ANKS1B: variants seen among roughly 807,000 people sequenced by gnomAD.
The protein encoded by ANKS1B is ankyrin repeat and sterile alpha motif domain-containing protein 1B.
A neutral mutation model predicts 148.3 loss-of-function variants in ANKS1B; 36 were observed. The ratio of observed to expected loss-of-function variants is 0.24; its 90% CI spans 0.19 to 0.32. ANKS1B has a LOEUF of 0.32. ANKS1B is among the 10% of genes least tolerant of loss of function. The probability of loss-of-function intolerance (pLI) is 1.00; values close to 1 mark genes in which losing one functional copy is unlikely to be tolerated. For missense variants in ANKS1B, 1,157 were observed against 1,542.6 expected (o/e 0.75, Z 4.19); for synonymous variants, 542 against 560.8 (o/e 0.97, Z 0.47).
chr12:98,775,652 A>T (rs1194806735), intron 24 of ANKS1B, among the ~76,000 whole-genome samples: 4 of 150,446 alleles, frequency 2.7e-5, no homozygotes, highest in Admixed American at 6.6e-5. Flanking sequence ...GGGCTTTGCC[A>T]TGTTTCCCAG....
intron 9 of ANKS1B, among the ~76,000 whole-genome samples, chr12:99,578,209 A>G (rs1441633402): frequency 2.0e-5 from 3 of 152,118 alleles, no homozygotes; most frequent in Admixed American, 2.0e-4. Flanking sequence ...ATATCAAATG[A>G]ACATACCTCA....
chr12:99,810,366 A>G (rs1057494083), intron 3 of ANKS1B, among the ~76,000 whole-genome samples: 1 of 151,992 alleles, frequency 6.6e-6, no homozygotes, highest in Admixed American at 6.6e-5. Flanking sequence ...ATAAAAGTTT[A>G]TAATTAACAA....
chr12:98,966,796 A>G lies in ANKS1B; in HGVS notation c.2778+86361T>C, dbSNP rs1424953183. On this transcript the variant is annotated intron_variant, in intron 17 of 26. Coordinates refer to ENST00000683438, the MANE Select transcript of ANKS1B (RefSeq NM_001352186.2). ...CAGCAAACTATCGCAAGGATAAAAA[A>G]CCAAACACCGCATGTTCTCACTCAC... Among the ~76,000 whole-genome samples the G allele has an allele frequency of 2.7e-5, 4 of 148,524 alleles. No individual in the cohort carries two copies. The East Asian group carries it at 8.1e-4, about 30-fold the overall frequency.
At chr12:99,674,660 C>T (rs575284040) in intron 8 of ANKS1B, among the ~76,000 whole-genome samples, 1 of 151,674 alleles carries the variant, frequency 6.6e-6, no homozygotes, top group South Asian at 2.1e-4. Flanking sequence ...GTTTATGTGT[C>T]TGAAAACAAA....
intron 1 of ANKS1B, among the ~76,000 whole-genome samples, chr12:99,973,349 G>T (rs961652033): frequency 5.3e-4 from 81 of 152,356 alleles, no homozygotes; most frequent in African/African-American, 1.8e-3. Context: ...GGAGGCCAAG[G>T]TGGGAGGATC....
At chr12:99,709,944 T>C (rs1360683974) in intron 8 of ANKS1B, among the ~76,000 whole-genome samples, 1 of 152,182 alleles carries the variant, frequency 6.6e-6, no homozygotes, top group Non-Finnish European at 1.5e-5. Context: ...CCCCATAAAA[T>C]GGGTTTGACA....
At chr12:99,515,400 A>G (rs552269133) in intron 9 of ANKS1B, among the ~76,000 whole-genome samples, 66 of 152,038 alleles carry the variant, frequency 4.3e-4, no homozygotes, top group African/African-American at 1.6e-3. Context: ...TGACATTTAG[A>G]TTCCACAAAT....
At chr12:99,927,196 C>T (rs1224174682) in intron 1 of ANKS1B, among the ~76,000 whole-genome samples, 2 of 152,108 alleles carry the variant, frequency 1.3e-5, no homozygotes, top group Non-Finnish European at 2.9e-5. Flanking sequence ...ACCTAATTCC[C>T]TCATTTATAC....
chr12:99,524,704 G>A (rs2096909368), intron 9 of ANKS1B, among the ~76,000 whole-genome samples: 1 of 152,216 alleles, frequency 6.6e-6, no homozygotes. Context: ...AATCATGGCA[G>A]AAGAGCAAGG....
At chr12:99,101,659 T>A (rs1359741981) in intron 15 of ANKS1B, among the ~76,000 whole-genome samples, 1 of 152,174 alleles carries the variant, frequency 6.6e-6, no homozygotes, top group Non-Finnish European at 1.5e-5. Flanking sequence ...CCTCCCGGGT[T>A]CAAGCAATTA....
At chr12:99,250,437 C>A (rs2074431983) in intron 12 of ANKS1B, among the ~76,000 whole-genome samples, 1 of 152,190 alleles carries the variant, frequency 6.6e-6, no homozygotes, top group Admixed American at 6.5e-5. Flanking sequence ...AATAAAAATA[C>A]ACAAATAAAA....
chr12:99,095,987 TG>T (rs1353381852), intron 15 of ANKS1B, among the ~76,000 whole-genome samples: 1 of 152,102 alleles, frequency 6.6e-6, no homozygotes, highest in Non-Finnish European at 1.5e-5. Flanking sequence ...AATCTGGGAG[TG>T]GGTTTCAGCT....
At chr12:99,531,790 T>C (rs1209328629) in intron 9 of ANKS1B, among the ~76,000 whole-genome samples, 1 of 152,200 alleles carries the variant, frequency 6.6e-6, no homozygotes, top group Non-Finnish European at 1.5e-5. Flanking sequence ...CTGTTTTCCA[T>C]AGAGGTTTTA....
At chr12:99,343,986 G>A (rs1357984173) in intron 12 of ANKS1B, among the ~76,000 whole-genome samples, 1 of 152,000 alleles carries the variant, frequency 6.6e-6, no homozygotes, top group Non-Finnish European at 1.5e-5. Flanking sequence ...ACATGGAAGG[G>A]CACCCAATTA....
intron 9 of ANKS1B, among the ~76,000 whole-genome samples, chr12:99,561,988 A>G (rs569408625): frequency 6.6e-6 from 1 of 152,374 alleles, no homozygotes; most frequent in South Asian, 2.1e-4. Context: ...AAAAGACTTA[A>G]CAGTCTAAGT....
intron 9 of ANKS1B, among the ~76,000 whole-genome samples, chr12:98,736,834 C>T (rs958295705): frequency 3.3e-5 from 5 of 152,210 alleles, no homozygotes; most frequent in Non-Finnish European, 7.3e-5. Context: ...AGTCCTTGAT[C>T]AGTCTGCTCA....
At chr12:99,921,493 ACT>A (rs1489832004) in intron 1 of ANKS1B, among the ~76,000 whole-genome samples, 1 of 152,166 alleles carries the variant, frequency 6.6e-6, no homozygotes, top group African/African-American at 2.4e-5. Flanking sequence ...AACTCCACAG[ACT>A]CTGGGTATCT....
At chr12:98,795,089 T>C in intron 22 of ANKS1B, 1 of 573,768 alleles carries the variant, frequency 1.7e-6, no homozygotes, top group Non-Finnish European at 3.1e-6. Context: ...GATTAAAATA[T>C]ATTTTTCCTA....
intron 12 of ANKS1B, among the ~76,000 whole-genome samples, chr12:99,273,916 A>G (rs763209579): frequency 6.6e-6 from 1 of 151,738 alleles, no homozygotes; most frequent in Non-Finnish European, 1.5e-5. Flanking sequence ...CTAATCAGCT[A>G]TTGTTAGTGT....
Sources: allele counts gnomAD v4.1 joint callset (sites outside exome capture counted in the v4.1 genomes callset), GRCh38; gene constraint gnomAD v4.1.1; transcripts MANE v1.5; gene names NCBI Gene and HGNC (gene_info 2026-07-23, HGNC 2026-07-21).